CACNA2D2: variants seen among roughly 807,000 people sequenced by gnomAD.
CACNA2D2 encodes calcium voltage-gated channel auxiliary subunit alpha2delta 2.
Under a neutral mutation model 166.4 loss-of-function variants are expected in CACNA2D2, and 48 were observed. The ratio of observed to expected loss-of-function variants is 0.29; its 90% CI spans 0.23 to 0.37. The LOEUF is 0.37. Ranked by LOEUF, CACNA2D2 falls within the 10% of genes least tolerant of loss-of-function variation. CACNA2D2 has a pLI of 1.00. For synonymous variants in CACNA2D2, 561 were observed against 573.7 expected (o/e 0.98, Z 0.32); for missense variants, 1,122 against 1,433.0 (o/e 0.78, Z 3.50).
At chr3:50,476,420 G>A (rs768479777) in intron 1 of CACNA2D2, among the ~76,000 whole-genome samples, 9 of 152,340 alleles carry the variant, frequency 5.9e-5, no homozygotes, top group East Asian at 1.9e-4. Flanking sequence ...TGGCGAGGAG[G>A]AGAGAGGATT....
intron 1 of CACNA2D2, among the ~76,000 whole-genome samples, chr3:50,500,653 C>T (rs2107193187): frequency 6.6e-6 from 1 of 152,218 alleles, no homozygotes; most frequent in South Asian, 2.1e-4. Context: ...CCCAGCCGGA[C>T]AAGTGCACAT....
intron 3 of CACNA2D2, 103 bp downstream of exon 3, chr3:50,434,210 A>C: frequency 1.3e-6 from 1 of 777,364 alleles, no homozygotes; most frequent in Non-Finnish European, 2.2e-6. Context: ...TGAACTCAGG[A>C]GGGCCACGTG....
At position 50,378,361 on chromosome 3, in the gene CACNA2D2, G is replaced by A. The variant is rs754257788; in HGVS notation, c.1340-28C>T. ...GTGAAGGAAGGAGAGGCAGAGGTGG[G>A]CCTGGCTGGCACTGCAGGATCCATG... On this transcript the variant is annotated intron_variant, in intron 13 of 37. Transcript: ENST00000424201. 7 of 1,550,160 alleles carry A rather than the reference G, an allele frequency of 4.5e-6. No individual in the cohort carries two copies. The South Asian group carries it at 8.3e-5, about 18-fold the overall frequency.
At chr3:50,374,695 A>G in intron 22 of CACNA2D2, 42 bp downstream of exon 22, 1 of 1,561,432 alleles carries the variant, frequency 6.4e-7, no homozygotes, top group Non-Finnish European at 8.7e-7. Context: ...GGTGCGGGGC[A>G]GAGGCAGGGT....
In CACNA2D2 at chr3:50,445,922, G is replaced by A. The variant is rs190043519; in HGVS notation, c.289-11493C>T. ...CAGTTCCCCCTTATTTCACTTTTGG[G>A]GAAGAGGGACAATCCATGGCACCTC... On this transcript the variant is annotated intron_variant, in intron 2 of 37. Coordinates refer to ENST00000424201, the MANE Select transcript of CACNA2D2 (RefSeq NM_006030.4). 2.0e-5 allele frequency among the ~76,000 whole-genome samples: 3 copies of A among 151,974 alleles called. 1 individual carries two copies. The highest frequency in any genetic ancestry group is 2.0e-4 in the Admixed American group (3 of 15,286).
In CACNA2D2 at chr3:50,380,262, G is replaced by A. The variant is rs1260349164; in HGVS notation, c.843-244C>T. Among the ~76,000 whole-genome samples, 13 of 152,232 alleles carry A rather than the reference G, an allele frequency of 8.5e-5. No individual in the cohort carries two copies. The highest frequency in any genetic ancestry group is 1.3e-4 in the Non-Finnish European group (9 of 68,048). On this transcript the variant is annotated intron_variant, in intron 8 of 37. Coordinates refer to ENST00000424201, the MANE Select transcript of CACNA2D2 (RefSeq NM_006030.4). This position sits in a 1 kb window ranked among gnomAD's most constrained non-coding sequence, Gnocchi z 4.9. ...GGTATATGAGCAGGTGATCCCCAGA[G>A]GGGGCAGGAGCCACATTCCCTGGCT...
chr3:50,471,274 G>A (rs759511231), intron 2 of CACNA2D2, among the ~76,000 whole-genome samples: 2 of 151,980 alleles, frequency 1.3e-5, no homozygotes, highest in Non-Finnish European at 2.9e-5. Flanking sequence ...CTCTCGGTGC[G>A]TCAGTGCGAC....
chr3:50,485,260 G>A (rs1426645462), intron 1 of CACNA2D2, among the ~76,000 whole-genome samples: 1 of 152,120 alleles, frequency 6.6e-6, no homozygotes, highest in Non-Finnish European at 1.5e-5. Context: ...TGCACACTTG[G>A]GTTCTGGTTC....
chr3:50,377,691 C>T (rs1449551848), intron 16 of CACNA2D2, 41 bp downstream of exon 16: 1 of 1,590,634 alleles, frequency 6.3e-7, no homozygotes, highest in Non-Finnish European at 8.6e-7. Flanking sequence ...GCCCATTCCT[C>T]CCCAGGCACA....
chr3:50,382,729 A>T (rs187691848), intron 6 of CACNA2D2, among the ~76,000 whole-genome samples: 157 of 152,206 alleles, frequency 1.0e-3, no homozygotes, highest in African/African-American at 3.7e-3. Flanking sequence ...GCCCTGAGAG[A>T]GTCTGCCTGG....
At chr3:50,485,272 CGGAGCCAGACTCCAT>C (rs773350058) in intron 1 of CACNA2D2, among the ~76,000 whole-genome samples, 194 of 152,298 alleles carry the variant, frequency 1.3e-3, no homozygotes, top group Non-Finnish European at 2.2e-3. Flanking sequence ...TTCTGGTTCC[CGGAGCCAGACTCCAT>C]GGGCTCTGCG....
chr3:50,373,084 C>T (rs1488194219), intron 22 of CACNA2D2: 2 of 1,534,582 alleles, frequency 1.3e-6, no homozygotes, highest in Admixed American at 2.0e-5. Flanking sequence ...TGCTGATTGG[C>T]ACTGGGACAG....
intron 22 of CACNA2D2, chr3:50,372,989 A>C: frequency 1.1e-6 from 1 of 881,624 alleles, no homozygotes; most frequent in East Asian, 5.9e-5. Flanking sequence ...GGTCCTGGGC[A>C]GGGAGGGGGG....
chr3:50,500,543 A>T (rs1698919335), intron 1 of CACNA2D2, among the ~76,000 whole-genome samples: 2 of 152,264 alleles, frequency 1.3e-5, no homozygotes, highest in South Asian at 2.1e-4. Context: ...CAAAGCAGTG[A>T]GGGCTGCCCC....
chr3:50,462,118 T>G (rs1252692337), intron 2 of CACNA2D2, among the ~76,000 whole-genome samples: 1 of 152,096 alleles, frequency 6.6e-6, no homozygotes, highest in African/African-American at 2.4e-5. Context: ...GCACAGTGGC[T>G]CACATCTGTA....
chr3:50,394,199 C>A, intron 3 of CACNA2D2, 31 bp from the exon 4 acceptor site: 1 of 1,602,792 alleles, frequency 6.2e-7, no homozygotes, highest in South Asian at 1.1e-5. Context: ...AGGTCAGAAG[C>A]GGAGGAAGGC....
chr3:50,373,460 C>T (rs921853863), intron 22 of CACNA2D2, among the ~76,000 whole-genome samples: 1 of 123,478 alleles, frequency 8.1e-6, no homozygotes, highest in African/African-American at 3.2e-5. Context: ...GGGTGAGCCA[C>T]AGGCAGAGGA....
At chr3:50,469,923 T>C (rs1388950491) in intron 2 of CACNA2D2, among the ~76,000 whole-genome samples, 2 of 152,224 alleles carry the variant, frequency 1.3e-5, no homozygotes, top group Non-Finnish European at 2.9e-5. Flanking sequence ...ATCTTGGAAG[T>C]GCCCTCTAGT....
intron 14 of CACNA2D2, 50 bp from the exon 15 acceptor site, chr3:50,378,147 C>T: frequency 6.3e-7 from 1 of 1,589,794 alleles, no homozygotes; most frequent in Non-Finnish European, 8.6e-7. Flanking sequence ...CCAGGCACTG[C>T]CTGTTCTGTC....
Sources: allele counts gnomAD v4.1 joint callset (sites outside exome capture counted in the v4.1 genomes callset), GRCh38; gene constraint gnomAD v4.1.1; non-coding constraint Gnocchi (gnomAD v3.1); transcripts MANE v1.5; gene names NCBI Gene and HGNC (gene_info 2026-07-23, HGNC 2026-07-21).